The following MYO7B variants were observed in gnomAD, a reference collection of about 807,000 sequenced individuals.
MYO7B encodes myosin VIIB.
Under a neutral mutation model 259.7 loss-of-function variants are expected in MYO7B, and 212 were observed. That is an observed-to-expected ratio of 0.82 (90% CI 0.73 to 0.91). MYO7B has a LOEUF of 0.91. Among genes scored for constraint, MYO7B ranks in the 40% least tolerant of loss-of-function variants. The pLI is 0.00. For synonymous variants in MYO7B, 1,197 were observed against 1,166.4 expected, an observed-to-expected ratio of 1.03 and a Z score of -0.54; for missense variants, 2,732 against 2,813.5, an observed-to-expected ratio of 0.97 and a Z score of 0.66.
intron 26 of MYO7B, among the ~76,000 whole-genome samples, chr2:127,617,487 G>GTTT (rs35542480): frequency 0.11 from 9,271 of 84,690 alleles, 2,064 homozygotes; most frequent in African/African-American, 0.22. Flanking sequence ...TTGTAACGGG[G>GTTT]TTTTTTTTTT....
chr2:127,537,741 G>A (rs1692846112), intron 1 of MYO7B, among the ~76,000 whole-genome samples: 2 of 152,040 alleles, frequency 1.3e-5, no homozygotes, highest in South Asian at 4.1e-4. Flanking sequence ...GGAGGAGAAG[G>A]AAGGATTTGA....
rs1262271228 is a variant in MYO7B, at chr2:127,636,850, C to G, written c.6264C>G (p.Thr2088=). ...TKISSWSSGS[T]YFHMALGSLG... ...TCTCCAGCTGGAGCAGCGGCAGCAC[C>G]TACTTCCACATGGCGCTGGGGAGCC... The change falls in exon 47 of 48, where the codon ACC becomes ACG. Residue 2088 remains threonine, a synonymous_variant. Coordinates refer to ENST00000409816, the MANE Select transcript of MYO7B (RefSeq NM_001393586.1). The surrounding 1 kb of genome is among the most constrained non-coding windows in gnomAD (Gnocchi z 4.5). The G allele has an allele frequency of 6.2e-7, 1 of 1,613,622 alleles. No homozygotes were observed. The highest frequency in any genetic ancestry group is 8.5e-7 in the Non-Finnish European group (1 of 1,179,890).
intron 28 of MYO7B, among the ~76,000 whole-genome samples, chr2:127,622,430 T>C (rs113420193): frequency 2.0e-5 from 3 of 152,300 alleles, no homozygotes; most frequent in African/African-American, 7.2e-5. Context: ...ACAAGGGCAG[T>C]AGTCACACCA....
intron 1 of MYO7B, among the ~76,000 whole-genome samples, chr2:127,543,335 T>C (rs2104796036): frequency 6.6e-6 from 1 of 152,278 alleles, no homozygotes; most frequent in African/African-American, 2.4e-5. Context: ...CTTTTTTTTT[T>C]TAACAAAGCA....
At chr2:127,623,101 G>A (rs1680918182) in intron 28 of MYO7B, 101 bp from the exon 29 acceptor site, 1 of 1,389,252 alleles carries the variant, frequency 7.2e-7, no homozygotes, top group Non-Finnish European at 9.8e-7. Context: ...ATGGCAAGCA[G>A]GGCCCATGGG....
intron 43 of MYO7B, 115 bp downstream of exon 43, chr2:127,635,341 GC>G: frequency 9.9e-7 from 1 of 1,006,762 alleles, no homozygotes; most frequent in Non-Finnish European, 1.5e-6. Flanking sequence ...CTGGGTACCA[GC>G]CCATGTGGTA....
chr2:127,584,819 T>G lies in MYO7B; in HGVS notation c.1596T>G (p.His532Gln), dbSNP rs1385931317. 1.2e-6 allele frequency: 2 copies of G among 1,613,834 alleles called. No homozygotes were observed. Among genetic ancestry groups the G allele is most frequent in the African/African-American group, 2.7e-5 (2 of 74,894 alleles). The change falls in exon 14 of 48, where the codon CAT (histidine) becomes CAG (glutamine). Residue 532 changes from histidine (H) to glutamine (Q), a missense_variant. His to Gln is a conservative substitution (Grantham distance 24). This residue lies in a region of MYO7B where 1,906 missense variants were observed against 2,026.4 expected (regional missense o/e 0.94). Coordinates refer to ENST00000409816, the MANE Select transcript of MYO7B (RefSeq NM_001393586.1). This position sits in a 1 kb window ranked among gnomAD's most constrained non-coding sequence, Gnocchi z 5.8. ...LTMLQKLNSVHANNKAFLQPK... is the reference protein window; with the variant it reads ...LTMLQKLNSVQANNKAFLQPK... ...TGCTGCAAAAGCTGAACAGCGTCCA[T>G]GCCAACAACAAGGCCTTCCTACAGC...
chr2:127,587,719 CCA>C (rs1427607577), intron 14 of MYO7B, among the ~76,000 whole-genome samples: 2 of 152,112 alleles, frequency 1.3e-5, no homozygotes, highest in Non-Finnish European at 2.9e-5. Flanking sequence ...CAGGCACATG[CCA>C]CCATGCCTGG....
chr2:127,564,269 C>T lies in MYO7B; in HGVS notation c.132+3C>T. The T allele has an allele frequency of 1.9e-6, 3 of 1,561,718 alleles. No homozygotes were observed. Among genetic ancestry groups the T allele is most frequent in the Non-Finnish European group, 2.6e-6 (3 of 1,152,264 alleles). ...TGGTTGAAGATGACGAGGGCAAGGT[C>T]AGTGTTCTGGGGTTTCCTCTGGGCC... On this transcript the variant is annotated splice_donor_region_variant and intron_variant, in intron 3 of 47. Coordinates refer to ENST00000409816, the MANE Select transcript of MYO7B (RefSeq NM_001393586.1).
At chr2:127,616,869 A>T (rs567826785) in intron 26 of MYO7B, among the ~76,000 whole-genome samples, 1 of 152,188 alleles carries the variant, frequency 6.6e-6, no homozygotes, top group Admixed American at 6.5e-5. Flanking sequence ...GATGAGCCCA[A>T]TGATTTCCTT....
rs373280398 is a variant in MYO7B at position 127,636,192 on chromosome 2, C to T, written c.6007-16C>T. On this transcript the variant is annotated splice_polypyrimidine_tract_variant and intron_variant, in intron 44 of 47. Transcript: ENST00000409816. The surrounding 1 kb of genome is among the most constrained non-coding windows in gnomAD (Gnocchi z 4.5). Reference sequence around the variant, plus strand: ...CTCTGGGCACCCAAGTCCTTACTGGCCCTCCTGTCCCCCAGAGCATCCTTC... The same window carrying T: ...CTCTGGGCACCCAAGTCCTTACTGGTCCTCCTGTCCCCCAGAGCATCCTTC... The T allele has an allele frequency of 1.7e-5, 27 of 1,598,870 alleles. No homozygotes were observed. The highest frequency in any genetic ancestry group is 1.4e-4 in the South Asian group (13 of 90,390).
In MYO7B at chr2:127,636,583, C is replaced by T. The variant is rs910296640; in HGVS notation, c.6162C>T (p.Ile2054=). ...SEPSYPDVIL[I]AINRHGVLLI... ...CTTCCTACCCGGACGTCATCCTCAT[C>T]GCCATCAACCGACATGGGGTTCTGC... The change falls in exon 46 of 48, where the codon ATC becomes ATT. Residue 2054 remains isoleucine (I), a synonymous_variant. Coordinates refer to ENST00000409816, the MANE Select transcript of MYO7B (RefSeq NM_001393586.1). The surrounding 1 kb of genome is among the most constrained non-coding windows in gnomAD (Gnocchi z 4.5). 5.6e-6 allele frequency: 9 copies of T among 1,612,766 alleles called. No individual in the cohort carries two copies. Among genetic ancestry groups the T allele is most frequent in the African/African-American group, 2.7e-5 (2 of 74,894 alleles).
chr2:127,564,400 G>A, intron 3 of MYO7B, 134 bp downstream of exon 3: 1 of 606,696 alleles, frequency 1.6e-6, no homozygotes. Flanking sequence ...TGGCAGGACA[G>A]ATCACGGTGG....
At chr2:127,578,092 G>T (rs765454321) in intron 8 of MYO7B, 41 bp from the exon 9 acceptor site, 9 of 1,607,514 alleles carry the variant, frequency 5.6e-6, no homozygotes, top group Non-Finnish European at 1.7e-6. Flanking sequence ...AGGTGGTGGG[G>T]CAGGGGATGG....
At chr2:127,612,634 C>A in intron 26 of MYO7B, 31 bp downstream of exon 26, 1 of 1,604,042 alleles carries the variant, frequency 6.2e-7, no homozygotes, top group South Asian at 1.1e-5. Flanking sequence ...CGGCCCCATT[C>A]AGAGCATCAG....
At position 127,578,037 on chromosome 2, in the gene MYO7B, T is replaced by A. The variant is rs1573645187; in HGVS notation, c.850-96T>A. ...GCGTGGACCCTACGTGGTCCACCCA[T>A]TGCCTATGAAGTGCAGTGTCTCAGC... On this transcript the variant is annotated intron_variant, in intron 8 of 47. Transcript: ENST00000409816. The A allele has an allele frequency of 2.3e-5, 34 of 1,458,596 alleles. No individual in the cohort carries two copies. In the East Asian group the frequency reaches 7.8e-4, roughly 33 times the overall value. The allele number at this position is 1,458,596 out of a possible 1,614,324, so 90.4% of individuals were successfully genotyped here. A position where few individuals can be genotyped will look rare whatever the true frequency, so the allele number is the denominator to read the frequency against.
intron 35 of MYO7B, among the ~76,000 whole-genome samples, chr2:127,630,460 AGAGGTGGCCCCATG>A (rs1490040679): frequency 1.3e-5 from 2 of 152,086 alleles, no homozygotes; most frequent in Non-Finnish European, 2.9e-5. Flanking sequence ...GGCTGGGGTG[AGAGGTGGCCCCATG>A]GAGAAGGGGA....
At chr2:127,551,916 G>T (rs1371462809) in intron 1 of MYO7B, among the ~76,000 whole-genome samples, 1 of 152,152 alleles carries the variant, frequency 6.6e-6, no homozygotes, top group Non-Finnish European at 1.5e-5. Flanking sequence ...ACTGCTGAAG[G>T]CCTAGAGGAG....
chr2:127,548,788 C>T (rs991752178), intron 1 of MYO7B, among the ~76,000 whole-genome samples: 8 of 152,100 alleles, frequency 5.3e-5, no homozygotes, highest in Admixed American at 3.9e-4. Context: ...CCACAAATTT[C>T]GATGTGATAT....
Sources: allele counts gnomAD v4.1 joint callset (sites outside exome capture counted in the v4.1 genomes callset), GRCh38; gene constraint gnomAD v4.1.1; regional missense constraint gnomAD v4.1.1; non-coding constraint Gnocchi (gnomAD v3.1); transcripts MANE v1.5; gene names NCBI Gene and HGNC (gene_info 2026-07-23, HGNC 2026-07-21).